SLC25A13: variants seen among roughly 807,000 people sequenced by gnomAD.
SLC25A13 encodes solute carrier family 25 member 13.
A neutral mutation model predicts 85.5 loss-of-function variants in SLC25A13; 70 were observed. The observed-to-expected ratio is 0.82, with a 90% CI of 0.68 to 1.00. The LOEUF (loss-of-function observed/expected upper bound fraction) is 1.00. Among genes scored for constraint, SLC25A13 ranks in the 50% least tolerant of loss-of-function variants. The pLI, the probability that SLC25A13 is intolerant of heterozygous loss-of-function variation, is 0.00. For missense variants in SLC25A13, 765 were observed against 819.8 expected (o/e 0.93, Z 0.82); for synonymous variants, 259 against 288.7 (o/e 0.90, Z 1.04).
At chr7:96,190,082 ATT>A (rs765043025) in intron 7 of SLC25A13, among the ~76,000 whole-genome samples, 123 of 132,150 alleles carry the variant, frequency 9.3e-4, no homozygotes, top group African/African-American at 2.8e-3. Context: ...GGGAATTCTG[ATT>A]TTTTTTTTTT....
intron 3 of SLC25A13, among the ~76,000 whole-genome samples, chr7:96,272,858 A>AT (rs1424443991): frequency 2.6e-5 from 4 of 152,222 alleles, no homozygotes; most frequent in Non-Finnish European, 5.9e-5. Context: ...AAAAATCGCC[A>AT]CCTTTTAAAC....
At chr7:96,232,528 C>A (rs1379801426) in intron 4 of SLC25A13, among the ~76,000 whole-genome samples, 2 of 148,596 alleles carry the variant, frequency 1.3e-5, no homozygotes, top group African/African-American at 5.0e-5. Context: ...ATAATTTGTA[C>A]AACAAACCCC....
At chr7:96,261,753 A>G (rs2116896774) in intron 3 of SLC25A13, among the ~76,000 whole-genome samples, 1 of 152,308 alleles carries the variant, frequency 6.6e-6, no homozygotes, top group African/African-American at 2.4e-5. Context: ...CCTGAGACTG[A>G]GTAATTCATT....
intron 11 of SLC25A13, among the ~76,000 whole-genome samples, chr7:96,172,822 G>A (rs1240447243): frequency 1.3e-5 from 2 of 151,960 alleles, no homozygotes; most frequent in Admixed American, 6.5e-5. Flanking sequence ...GCAGTGGCGC[G>A]ATCTCGGCTC....
chr7:96,299,968 T>C (rs1799492623), intron 1 of SLC25A13, among the ~76,000 whole-genome samples: 1 of 152,244 alleles, frequency 6.6e-6, no homozygotes, highest in Non-Finnish European at 1.5e-5. Flanking sequence ...AGCTCCACTA[T>C]AATTTATGGA....
chr7:96,156,600 C>T (rs12533125), intron 13 of SLC25A13, among the ~76,000 whole-genome samples: 1,624 of 152,204 alleles, frequency 0.011, 22 homozygotes, highest in East Asian at 0.047. Flanking sequence ...TACAGGCACC[C>T]GTCACCGCGC....
intron 2 of SLC25A13, among the ~76,000 whole-genome samples, chr7:96,277,562 T>G (rs1338873321): frequency 1.3e-5 from 2 of 152,128 alleles, no homozygotes; most frequent in African/African-American, 4.8e-5. Context: ...ACAGGGACAC[T>G]TGGCAATATC....
At chr7:96,266,178 T>C (rs1349993550) in intron 3 of SLC25A13, among the ~76,000 whole-genome samples, 2 of 152,210 alleles carry the variant, frequency 1.3e-5, no homozygotes, top group East Asian at 1.9e-4. Flanking sequence ...AGGTAGATCA[T>C]GCTTTTACTA....
At chr7:96,266,805 G>A (rs903815702) in intron 3 of SLC25A13, among the ~76,000 whole-genome samples, 12 of 152,080 alleles carry the variant, frequency 7.9e-5, no homozygotes, top group Admixed American at 6.6e-5. Context: ...AAAAAGAAAG[G>A]GGGTTAATCA....
chr7:96,137,862 A>G (rs1792349960), intron 14 of SLC25A13, among the ~76,000 whole-genome samples: 1 of 152,172 alleles, frequency 6.6e-6, no homozygotes, highest in African/African-American at 2.4e-5. Flanking sequence ...TGACCTTGTG[A>G]TCTGCCCGCC....
At chr7:96,282,606 G>T in intron 2 of SLC25A13, among the ~76,000 whole-genome samples, 1 of 152,128 alleles carries the variant, frequency 6.6e-6, no homozygotes, top group East Asian at 1.9e-4. Flanking sequence ...GTGCACAATG[G>T]TATTATGACT....
At chr7:96,157,385 G>T (rs1474942887) in intron 13 of SLC25A13, among the ~76,000 whole-genome samples, 4 of 152,120 alleles carry the variant, frequency 2.6e-5, no homozygotes, top group Non-Finnish European at 4.4e-5. Flanking sequence ...CTATAAGCTT[G>T]ATTTCTTCTT....
chr7:96,296,765 G>A (rs1223795713), intron 2 of SLC25A13, 133 bp downstream of exon 2: 4 of 848,620 alleles, frequency 4.7e-6, no homozygotes, highest in Non-Finnish European at 7.6e-6. Flanking sequence ...ACAGGCATGA[G>A]CCACCGTGCC....
chr7:96,288,096 GA>G (rs1798959386), intron 2 of SLC25A13, among the ~76,000 whole-genome samples: 2 of 152,258 alleles, frequency 1.3e-5, no homozygotes, highest in African/African-American at 4.8e-5. Context: ...CTGTTTTCTG[GA>G]CTTTCATCCT....
intron 15 of SLC25A13, among the ~76,000 whole-genome samples, chr7:96,127,617 A>G (rs1274189734): frequency 6.6e-6 from 1 of 152,214 alleles, no homozygotes; most frequent in African/African-American, 2.4e-5. Context: ...TAAACATAGA[A>G]AGCGTGGTCA....
At chr7:96,132,021 A>C (rs1054956682) in intron 14 of SLC25A13, 140 bp from the exon 15 acceptor site, 168 of 1,075,862 alleles carry the variant, frequency 1.6e-4, no homozygotes, top group Non-Finnish European at 1.1e-5. Context: ...GGGAACAGAA[A>C]AAAATAACCC....
At chr7:96,175,502 G>T (rs148657571) in intron 11 of SLC25A13, among the ~76,000 whole-genome samples, 1 of 152,334 alleles carries the variant, frequency 6.6e-6, no homozygotes, top group African/African-American at 2.4e-5. Context: ...AGTGGCTTTT[G>T]TTTTATCCAC....
chr7:96,162,773 G>A (rs1277881410), intron 13 of SLC25A13, among the ~76,000 whole-genome samples: 1 of 152,182 alleles, frequency 6.6e-6, no homozygotes, highest in Non-Finnish European at 1.5e-5. Context: ...GGGATGCAAA[G>A]TCACTGTGAG....
chr7:96,306,740 C>A, intron 1 of SLC25A13: 29 of 1,031,958 alleles, frequency 2.8e-5, no homozygotes, highest in Admixed American at 2.6e-4. Context: ...CTTTTGTGCC[C>A]TTCATCCCTC....
Sources: allele counts gnomAD v4.1 joint callset (sites outside exome capture counted in the v4.1 genomes callset), GRCh38; gene constraint gnomAD v4.1.1; transcripts MANE v1.5; gene names NCBI Gene and HGNC (gene_info 2026-07-23, HGNC 2026-07-21).